SLX4IP: variants seen among roughly 807,000 people sequenced by gnomAD.
SLX4IP encodes the protein SLX4 interacting protein.
SLX4IP carries 34 observed loss-of-function variants against 32.9 expected under a neutral mutation model. That is an observed-to-expected ratio of 1.03 (90% confidence interval 0.79 to 1.38). The LOEUF is 1.38. Ranked by LOEUF, SLX4IP falls within the 40% of genes most tolerant of loss-of-function variation. The pLI is 0.00. For synonymous variants in SLX4IP, 172 were observed against 171.7 expected (o/e 1.00, Z -0.01); for missense variants, 444 against 479.0 (o/e 0.93, Z 0.68).
At chr20:10,470,227 T>A (rs1453562603) in intron 2 of SLX4IP, among the ~76,000 whole-genome samples, 1 of 152,196 alleles carries the variant, frequency 6.6e-6, no homozygotes, top group Non-Finnish European at 1.5e-5. Flanking sequence ...CTTTTTGTTA[T>A]TATTACTCTT....
intron 1 of SLX4IP, among the ~76,000 whole-genome samples, chr20:10,445,933 CTT>C (rs749557514): frequency 4.6e-4 from 28 of 60,708 alleles, no homozygotes; most frequent in African/African-American, 9.1e-4. Flanking sequence ...GCTGAGATTG[CTT>C]TTTTTTTTTT....
chr20:10,441,743 A>G (rs1260919391), intron 1 of SLX4IP, among the ~76,000 whole-genome samples: 4 of 114,292 alleles, frequency 3.5e-5, no homozygotes, highest in Middle Eastern at 8.1e-3. Flanking sequence ...TTTTTTTTTT[A>G]TAAGTAAACT....
At chr20:10,494,067 A>G (rs77146555) in intron 2 of SLX4IP, among the ~76,000 whole-genome samples, 158 of 151,822 alleles carry the variant, frequency 1.0e-3, no homozygotes, top group African/African-American at 3.8e-3. Context: ...TACGGCATTT[A>G]GTAGATGTGT....
chr20:10,622,623 C>A (rs775126215), intron 7 of SLX4IP, 36 bp from the exon 8 acceptor site: 32 of 1,566,082 alleles, frequency 2.0e-5, no homozygotes, highest in Non-Finnish European at 2.6e-5. Context: ...GCAGTGACAG[C>A]TTTACAAACC....
At chr20:10,572,831 G>A (rs944585322) in intron 4 of SLX4IP, among the ~76,000 whole-genome samples, 2 of 152,086 alleles carry the variant, frequency 1.3e-5, no homozygotes, top group Non-Finnish European at 2.9e-5. Context: ...TATCTTTGGT[G>A]AACATTCAAG....
At chr20:10,497,979 A>G (rs2065683144) in intron 2 of SLX4IP, among the ~76,000 whole-genome samples, 1 of 151,814 alleles carries the variant, frequency 6.6e-6, no homozygotes, top group African/African-American at 2.4e-5. Context: ...TCTAGAGCCA[A>G]GTCATAGAGC....
intron 2 of SLX4IP, among the ~76,000 whole-genome samples, chr20:10,469,726 G>A (rs979461841): frequency 6.6e-6 from 1 of 152,150 alleles, no homozygotes; most frequent in Non-Finnish European, 1.5e-5. Context: ...GTTTTATAAA[G>A]TATCTTCCCG....
intron 6 of SLX4IP, among the ~76,000 whole-genome samples, chr20:10,611,014 A>T (rs2066960950): frequency 6.6e-6 from 1 of 152,166 alleles, no homozygotes. Flanking sequence ...TAACTAACTG[A>T]GGCTTTCTTA....
At chr20:10,619,217 C>G (rs866324616) in intron 6 of SLX4IP, among the ~76,000 whole-genome samples, 1 of 126,652 alleles carries the variant, frequency 7.9e-6, no homozygotes, top group Non-Finnish European at 1.7e-5. Flanking sequence ...CTTTTTTTTT[C>G]TTTTTTTTTT....
At position 10,625,701 on chromosome 20, in the gene SLX4IP, A is replaced by C. The variant is rs1361186498; in HGVS notation, c.*2322A>C. 2.0e-5 allele frequency: 3 copies of C among 152,188 alleles called. No individual in the cohort carries two copies. Among genetic ancestry groups the C allele is most frequent in the Non-Finnish European group, 4.4e-5 (3 of 68,034 alleles). 9.4% of individuals were successfully genotyped at this position (152,188 alleles called of 1,614,324 possible). ...GAGAAAAAATAGCACCTTTGGTTGT[A>C]GATAGATGTAGTTTTCCTCACAGCC... On this transcript the variant is annotated 3_prime_UTR_variant, in exon 8 of 8. Transcript: ENST00000334534.
chr20:10,477,750 C>T (rs1194265880), intron 2 of SLX4IP, among the ~76,000 whole-genome samples: 1 of 152,144 alleles, frequency 6.6e-6, no homozygotes, highest in Admixed American at 6.5e-5. Flanking sequence ...ATAAATAAGC[C>T]TTAGCTTAAT....
intron 1 of SLX4IP, among the ~76,000 whole-genome samples, chr20:10,436,676 C>T (rs188918788): frequency 3.3e-5 from 5 of 152,218 alleles, no homozygotes; most frequent in Non-Finnish European, 5.9e-5. Context: ...TTGTTCAACC[C>T]GTGCTTCTTA....
intron 2 of SLX4IP, among the ~76,000 whole-genome samples, chr20:10,531,108 C>T (rs992961113): frequency 1.3e-5 from 2 of 152,186 alleles, no homozygotes; most frequent in Admixed American, 6.5e-5. Flanking sequence ...GATACCAGGC[C>T]GCTGCCAGGC....
intron 2 of SLX4IP, among the ~76,000 whole-genome samples, chr20:10,501,097 T>C (rs1170757833): frequency 3.3e-5 from 5 of 152,146 alleles, no homozygotes; most frequent in Admixed American, 3.3e-4. Flanking sequence ...CACCTGAAAA[T>C]AAATCGCGAA....
chr20:10,439,358 AC>A (rs1229292857), intron 1 of SLX4IP, among the ~76,000 whole-genome samples: 5 of 151,886 alleles, frequency 3.3e-5, no homozygotes, highest in African/African-American at 1.2e-4. Flanking sequence ...ACAGGTGCGC[AC>A]CACTGTGCCT....
intron 6 of SLX4IP, among the ~76,000 whole-genome samples, chr20:10,607,242 T>A (rs1002114534): frequency 6.6e-6 from 1 of 152,144 alleles, no homozygotes; most frequent in African/African-American, 2.4e-5. Context: ...CAGACTCTCT[T>A]TTGCCCCTTA....
At chr20:10,578,794 G>A (rs1467636178) in intron 4 of SLX4IP, among the ~76,000 whole-genome samples, 1 of 152,108 alleles carries the variant, frequency 6.6e-6, no homozygotes, top group Non-Finnish European at 1.5e-5. Flanking sequence ...TTATCTCATT[G>A]TGGTTTTGAT....
At chr20:10,530,252 T>A (rs1202881878) in intron 2 of SLX4IP, among the ~76,000 whole-genome samples, 2 of 152,212 alleles carry the variant, frequency 1.3e-5, no homozygotes, top group Non-Finnish European at 2.9e-5. Flanking sequence ...CATTTGTTGG[T>A]TATTCTTTGT....
intron 1 of SLX4IP, among the ~76,000 whole-genome samples, chr20:10,454,989 T>A (rs13044462): frequency 6.6e-6 from 1 of 152,244 alleles, no homozygotes; most frequent in Non-Finnish European, 1.5e-5. Context: ...TTGCATTTGA[T>A]GGCTAATGAT....
Sources: allele counts gnomAD v4.1 joint callset (sites outside exome capture counted in the v4.1 genomes callset), GRCh38; gene constraint gnomAD v4.1.1; transcripts MANE v1.5; gene names NCBI Gene and HGNC (gene_info 2026-07-23, HGNC 2026-07-21).